The following CLSTN2 variants were observed in gnomAD, a reference collection of about 807,000 sequenced individuals.
CLSTN2 encodes the protein calsyntenin 2, also known as calsyntenin-2.
In CLSTN2, 48 loss-of-function variants were observed where a neutral mutation model predicts 101.2. The ratio of observed to expected loss-of-function variants is 0.47; its 90% CI spans 0.38 to 0.60. CLSTN2 has a LOEUF of 0.60. Among genes scored for constraint, CLSTN2 ranks in the 20% least tolerant of loss-of-function variants. The pLI, the probability that CLSTN2 is intolerant of heterozygous loss-of-function variation, is 0.00. For synonymous variants in CLSTN2, 481 were observed against 463.6 expected, an observed-to-expected ratio of 1.04 and a Z score of -0.48; for missense variants, 1,160 against 1,238.2, an observed-to-expected ratio of 0.94 and a Z score of 0.95.
At chr3:140,168,443 C>A (rs1429572026) in intron 1 of CLSTN2, among the ~76,000 whole-genome samples, 1 of 151,888 alleles carries the variant, frequency 6.6e-6, no homozygotes, top group African/African-American at 2.4e-5. Context: ...GCAAATATTT[C>A]CTCCTAGTCT....
intron 2 of CLSTN2, among the ~76,000 whole-genome samples, chr3:140,359,841 TTGGAAA>T (rs1262341138): frequency 1.3e-5 from 2 of 152,074 alleles, no homozygotes; most frequent in Non-Finnish European, 2.9e-5. Flanking sequence ...CAAGGGAGGT[TTGGAAA>T]TGTGCAGTGA....
intron 2 of CLSTN2, among the ~76,000 whole-genome samples, chr3:140,209,635 C>T (rs571175189): frequency 2.6e-5 from 4 of 151,978 alleles, no homozygotes; most frequent in African/African-American, 4.8e-5. Flanking sequence ...CAGCACTGTC[C>T]GTACTGCTGC....
At chr3:140,155,200 G>A (rs78952637) in intron 1 of CLSTN2, among the ~76,000 whole-genome samples, 2 of 152,180 alleles carry the variant, frequency 1.3e-5, no homozygotes, top group East Asian at 3.9e-4. Context: ...GGTAAACTAA[G>A]GGGTTCTTGC....
intron 1 of CLSTN2, among the ~76,000 whole-genome samples, chr3:140,052,358 G>T (rs747075995): frequency 6.6e-6 from 1 of 152,164 alleles, no homozygotes; most frequent in East Asian, 1.9e-4. Flanking sequence ...GGGTTTTACC[G>T]TATTGGCCAG....
At chr3:140,344,057 T>G (rs2087517623) in intron 2 of CLSTN2, among the ~76,000 whole-genome samples, 1 of 152,196 alleles carries the variant, frequency 6.6e-6, no homozygotes, top group Non-Finnish European at 1.5e-5. Context: ...ATTGGCAGCT[T>G]GTTTCTTCTC....
rs1381588115 is a variant in CLSTN2 at position 140,546,626 on chromosome 3, C to A, written c.1619C>A (p.Ala540Asp). ...ESQKVISCLQ[A>D]CKEGLDINSL... Reference sequence around the variant, plus strand: ...CAGAAGGTGATCTCCTGCCTGCAGGCCTGCAAGGAAGGGCTGGACATTAAT... The same window carrying A: ...CAGAAGGTGATCTCCTGCCTGCAGGACTGCAAGGAAGGGCTGGACATTAAT... Residue 540 changes from alanine (A) to aspartate (D), a missense_variant, in exon 10 of 17, where the codon GCC becomes GAC. Transcript: ENST00000458420. 20 of 1,613,896 alleles carry A rather than the reference C, an allele frequency of 1.2e-5. No homozygotes were observed. Among genetic ancestry groups the A allele is most frequent in the Non-Finnish European group, 1.6e-5 (19 of 1,179,992 alleles).
At chr3:140,263,043 A>G (rs1314733161) in intron 2 of CLSTN2, among the ~76,000 whole-genome samples, 1 of 151,722 alleles carries the variant, frequency 6.6e-6, no homozygotes, top group Non-Finnish European at 1.5e-5. Context: ...CGTTCCCCAC[A>G]TCCCCCCCAA....
Position 140,398,031 on chromosome 3 carries a change from A to G in CLSTN2, c.233-5598A>G, listed in dbSNP as rs141284905. On this transcript the variant is annotated intron_variant, in intron 2 of 16. Transcript: ENST00000458420. Reference sequence around the variant, plus strand: ...GCTTCAGTTTTATCATTGACAGCAAATACTCTCAGTTCTTTTTCTTGGTGG... The same window carrying G: ...GCTTCAGTTTTATCATTGACAGCAAGTACTCTCAGTTCTTTTTCTTGGTGG... Among the ~76,000 whole-genome samples the G allele has an allele frequency of 4.1e-3, 631 of 152,294 alleles. 18 individuals carry two copies. The East Asian group carries it at 0.067, about 16-fold the overall frequency.
chr3:140,135,115 CACATATATATATATATATATAT>C (rs1177951740), intron 1 of CLSTN2, among the ~76,000 whole-genome samples: 11 of 52,058 alleles, frequency 2.1e-4, no homozygotes, highest in African/African-American at 1.1e-3. Context: ...CACACACACA[CACATATATATATATATATATAT>C]ATATATATAT....
At chr3:140,526,594 A>G (rs1311078578) in intron 8 of CLSTN2, among the ~76,000 whole-genome samples, 1 of 124,556 alleles carries the variant, frequency 8.0e-6, no homozygotes, top group Non-Finnish European at 1.7e-5. Context: ...AAACAAACAA[A>G]CAAAAAAAAA....
intron 2 of CLSTN2, among the ~76,000 whole-genome samples, chr3:140,363,313 T>C (rs2087749104): frequency 6.6e-6 from 1 of 152,162 alleles, no homozygotes; most frequent in African/African-American, 2.4e-5. Flanking sequence ...CTGTCTCAGG[T>C]GGCTGCCTGG....
intron 1 of CLSTN2, among the ~76,000 whole-genome samples, chr3:140,108,503 T>C (rs1440719740): frequency 6.6e-6 from 1 of 152,218 alleles, no homozygotes; most frequent in Non-Finnish European, 1.5e-5. Context: ...GTAAACCTGC[T>C]ACTTTACCTG....
intron 2 of CLSTN2, among the ~76,000 whole-genome samples, chr3:140,289,294 CA>C (rs1373905616): frequency 6.6e-6 from 1 of 151,152 alleles, no homozygotes; most frequent in East Asian, 1.9e-4. Flanking sequence ...CAAACCCAGC[CA>C]GCCTGGATCC....
At chr3:140,206,155 T>C (rs2010779315) in intron 2 of CLSTN2, among the ~76,000 whole-genome samples, 1 of 152,192 alleles carries the variant, frequency 6.6e-6, no homozygotes, top group Non-Finnish European at 1.5e-5. Flanking sequence ...TGTAAACAAC[T>C]CCCAATTAGT....
chr3:140,359,924 GATATAA>G (rs1400636803), intron 2 of CLSTN2, among the ~76,000 whole-genome samples: 2 of 150,446 alleles, frequency 1.3e-5, no homozygotes, highest in African/African-American at 4.9e-5. Context: ...GATAGATGTT[GATATAA>G]ATATATACAC....
At chr3:140,253,435 G>A (rs2086580174) in intron 2 of CLSTN2, among the ~76,000 whole-genome samples, 1 of 152,094 alleles carries the variant, frequency 6.6e-6, no homozygotes, top group Non-Finnish European at 1.5e-5. Context: ...ATTAGTGTTG[G>A]CAGCAACTAC....
intron 5 of CLSTN2, among the ~76,000 whole-genome samples, chr3:140,434,796 G>A (rs557109599): frequency 6.6e-6 from 1 of 152,314 alleles, no homozygotes; most frequent in South Asian, 2.1e-4. Flanking sequence ...GCAGAGAAGG[G>A]TTTTGGAGAA....
intron 2 of CLSTN2, among the ~76,000 whole-genome samples, chr3:140,387,541 G>A (rs940462395): frequency 2.6e-5 from 4 of 152,118 alleles, no homozygotes; most frequent in Non-Finnish European, 4.4e-5. Context: ...AAAAAATTTG[G>A]CTCATTCTTT....
chr3:140,301,476 C>A (rs2087057254), intron 2 of CLSTN2, among the ~76,000 whole-genome samples: 1 of 152,190 alleles, frequency 6.6e-6, no homozygotes, highest in African/African-American at 2.4e-5. Flanking sequence ...ATTCTTATTT[C>A]TGCTTTTACA....
Sources: gnomAD v4.1 joint callset for allele counts (sites outside exome capture counted in the v4.1 genomes callset) on GRCh38, gnomAD v4.1.1 for gene constraint, MANE v1.5 for transcripts, NCBI Gene and HGNC (gene_info 2026-07-23, HGNC 2026-07-21) for gene names.